Variants in ATRNL1 observed in about 807,000 individuals in gnomAD.
ATRNL1 encodes attractin-like protein 1.
In ATRNL1, 95 loss-of-function variants were observed where a neutral mutation model predicts 182.7. The observed-to-expected ratio is 0.52, with a 90% confidence interval of 0.44 to 0.62. ATRNL1 has a LOEUF of 0.62. Among genes scored for constraint, ATRNL1 ranks in the 20% least tolerant of loss-of-function variants. ATRNL1 has a pLI of 0.00. For missense variants in ATRNL1, 1,471 were observed against 1,679.5 expected (o/e 0.88, Z 2.17); for synonymous variants, 576 against 568.3 (o/e 1.01, Z -0.19).
intron 13 of ATRNL1, among the ~76,000 whole-genome samples, chr10:115,270,448 T>A (rs1851811376): frequency 6.8e-6 from 1 of 146,234 alleles, no homozygotes; most frequent in Non-Finnish European, 1.5e-5. Flanking sequence ...CTATAATATA[T>A]GTGTATATAT....
At position 115,373,932 on chromosome 10, in the gene ATRNL1, A is replaced by G. The variant is rs75333258; in HGVS notation, c.3176-20727A>G. 7.9e-5 allele frequency among the ~76,000 whole-genome samples: 12 copies of G among 152,088 alleles called. No individual in the cohort carries two copies. In the East Asian group the frequency reaches 2.3e-3, roughly 29 times the overall value. ...ATTTTAATGTTTTTGGAAAAGTTTC[A>G]GAAGCATTAATATTTATTCTTCTTT... On this transcript the variant is annotated intron_variant, in intron 19 of 28. Coordinates refer to ENST00000355044, the MANE Select transcript of ATRNL1 (RefSeq NM_207303.4).
chr10:115,644,240 G>A (rs1056707617), intron 26 of ATRNL1, among the ~76,000 whole-genome samples: 7 of 152,106 alleles, frequency 4.6e-5, no homozygotes, highest in South Asian at 2.1e-4. Context: ...TTCCCCAGCA[G>A]CCTGAACCAA....
At chr10:115,370,275 T>G (rs1259307770) in intron 19 of ATRNL1, among the ~76,000 whole-genome samples, 5 of 152,046 alleles carry the variant, frequency 3.3e-5, no homozygotes, top group African/African-American at 4.8e-5. Context: ...ACCAGTAGAG[T>G]GGGGCACTTC....
intron 8 of ATRNL1, among the ~76,000 whole-genome samples, chr10:115,197,214 C>G (rs868937907): frequency 6.6e-6 from 1 of 151,830 alleles, no homozygotes; most frequent in Middle Eastern, 3.4e-3. Flanking sequence ...CAATTGCATT[C>G]TTGGATAAAG....
chr10:115,576,469 A>C (rs572826437), intron 26 of ATRNL1, among the ~76,000 whole-genome samples: 1 of 151,890 alleles, frequency 6.6e-6, no homozygotes. Flanking sequence ...TTTGATTTGC[A>C]TTTCCCTGAT....
At chr10:115,609,061 A>G (rs1178063950) in intron 26 of ATRNL1, among the ~76,000 whole-genome samples, 1 of 152,086 alleles carries the variant, frequency 6.6e-6, no homozygotes, top group Non-Finnish European at 1.5e-5. Flanking sequence ...ATAAAATATT[A>G]TAAGTTAAGT....
At chr10:115,607,495 A>G (rs1445379068) in intron 26 of ATRNL1, among the ~76,000 whole-genome samples, 1 of 151,784 alleles carries the variant, frequency 6.6e-6, no homozygotes, top group Non-Finnish European at 1.5e-5. Context: ...GCTTGATTTC[A>G]CAAGCAATAG....
chr10:115,126,668 T>A (rs1844988015), intron 3 of ATRNL1, among the ~76,000 whole-genome samples: 2 of 152,222 alleles, frequency 1.3e-5, no homozygotes, highest in African/African-American at 4.8e-5. Flanking sequence ...GACTATAATA[T>A]TTCATTTATG....
intron 24 of ATRNL1, among the ~76,000 whole-genome samples, chr10:115,480,633 G>A (rs1260387262): frequency 6.6e-6 from 1 of 150,888 alleles, no homozygotes; most frequent in African/African-American, 2.4e-5. Flanking sequence ...AGAGGAGAAT[G>A]GAAGATTTTC....
At chr10:115,294,855 ATTTTCAAGTGTCT>A (rs1564887485) in intron 15 of ATRNL1, among the ~76,000 whole-genome samples, 3 of 152,026 alleles carry the variant, frequency 2.0e-5, no homozygotes. Context: ...TAGTAGTGAC[ATTTTCAAGTGTCT>A]TGGTAGCCTT....
Position 115,266,818 on chromosome 10 carries a change from A to G in ATRNL1, c.1794A>G (p.Gly598=). Residue 598 remains glycine, a synonymous_variant, in exon 12 of 29, where the codon GGA becomes GGG. Transcript: ENST00000355044. ...VINGSMYIFG[G]FSSVLLNDIL... ...ATAGGTCCATGTATATATTTGGGGGATTTTCTAGTGTACTCCTTAATGATA... is the reference window on the plus strand; with the variant it reads ...ATAGGTCCATGTATATATTTGGGGGGTTTTCTAGTGTACTCCTTAATGATA... The G allele has an allele frequency of 6.2e-7, 1 of 1,604,040 alleles. No individual in the cohort carries two copies. The highest frequency in any genetic ancestry group is 8.5e-7 in the Non-Finnish European group (1 of 1,173,892).
intron 26 of ATRNL1, among the ~76,000 whole-genome samples, chr10:115,702,436 A>G (rs1946767560): frequency 6.6e-6 from 1 of 152,078 alleles, no homozygotes; most frequent in Admixed American, 6.6e-5. Context: ...AGGCAAGGAA[A>G]AGAAAAGGCA....
At chr10:115,894,565 A>G (rs998126661) in intron 28 of ATRNL1, among the ~76,000 whole-genome samples, 55 of 152,202 alleles carry the variant, frequency 3.6e-4, no homozygotes, top group African/African-American at 1.3e-3. Flanking sequence ...TTAGTTTTTG[A>G]AATTGGTGCC....
At chr10:115,755,609 T>C (rs1378847746) in intron 27 of ATRNL1, among the ~76,000 whole-genome samples, 1 of 152,110 alleles carries the variant, frequency 6.6e-6, no homozygotes, top group Non-Finnish European at 1.5e-5. Context: ...ATGTTCATTA[T>C]GGATATTGGC....
chr10:115,405,258 T>C (rs1844761704), intron 20 of ATRNL1, among the ~76,000 whole-genome samples: 1 of 152,184 alleles, frequency 6.6e-6, no homozygotes, highest in African/African-American at 2.4e-5. Context: ...AACATTTAAA[T>C]GTAGAAAATA....
chr10:115,425,164 C>T (rs901495443), intron 20 of ATRNL1, among the ~76,000 whole-genome samples: 3 of 151,894 alleles, frequency 2.0e-5, no homozygotes, highest in Non-Finnish European at 2.9e-5. Flanking sequence ...GATTATTTAG[C>T]CTCTAATTTT....
chr10:115,389,540 GTATA>G (rs58155967), intron 19 of ATRNL1, among the ~76,000 whole-genome samples: 2,206 of 44,240 alleles, frequency 0.05, 239 homozygotes, highest in African/African-American at 0.098. Flanking sequence ...ATGTGTATGT[GTATA>G]TATATATATA....
At chr10:115,101,530 C>G (rs1554864592) in intron 1 of ATRNL1, among the ~76,000 whole-genome samples, 1 of 152,070 alleles carries the variant, frequency 6.6e-6, no homozygotes, top group African/African-American at 2.4e-5. Context: ...GTTAAACCAA[C>G]CTTACATTCC....
intron 28 of ATRNL1, among the ~76,000 whole-genome samples, chr10:115,862,104 G>T (rs1189131279): frequency 6.6e-6 from 1 of 152,092 alleles, no homozygotes; most frequent in African/African-American, 2.4e-5. Flanking sequence ...GCTGACTCTT[G>T]CTAGGCTACC....
Sources: gnomAD v4.1 joint callset for allele counts (sites outside exome capture counted in the v4.1 genomes callset) on GRCh38, gnomAD v4.1.1 for gene constraint, MANE v1.5 for transcripts, NCBI Gene and HGNC (gene_info 2026-07-23, HGNC 2026-07-21) for gene names.